SAMMSON: variants seen among roughly 807,000 people sequenced by gnomAD.
SAMMSON encodes the protein survival associated mitochondrial melanoma specific oncogenic non-coding RNA, also known as long intergenic non-protein coding RNA 1212.
intron 4 of SAMMSON, among the ~76,000 whole-genome samples, chr3:70,140,772 C>T (rs1467531112): frequency 6.6e-6 from 1 of 152,178 alleles, no homozygotes; most frequent in African/African-American, 2.4e-5. Context: ...CAACCAAGTT[C>T]TCTTCCAGTT....
chr3:70,351,822 C>A (rs1702796898), intron 7 of SAMMSON, among the ~76,000 whole-genome samples: 1 of 152,094 alleles, frequency 6.6e-6, no homozygotes, highest in African/African-American at 2.4e-5. Context: ...ACAGCATGGA[C>A]AACTGTGACT....
At chr3:70,007,942 G>T (rs2066935511) in intron 1 of SAMMSON, among the ~76,000 whole-genome samples, 1 of 152,068 alleles carries the variant, frequency 6.6e-6, no homozygotes, top group African/African-American at 2.4e-5. Flanking sequence ...GGTTGTCAAA[G>T]ATCAGATGGT....
At chr3:70,132,731 C>T (rs2067487346) in intron 4 of SAMMSON, among the ~76,000 whole-genome samples, 1 of 143,354 alleles carries the variant, frequency 7.0e-6, no homozygotes, top group Non-Finnish European at 1.5e-5. Context: ...CCCTTGAGCT[C>T]AGGAGTTCGA....
At chr3:70,205,914 T>C (rs1451090485) in intron 4 of SAMMSON, 6 of 152,166 alleles carry the variant, frequency 3.9e-5, no homozygotes, top group Admixed American at 3.9e-4. Context: ...TAAGTAAAAT[T>C]CCATATCTTG....
rs116449037 is a variant in SAMMSON at position 70,413,029 on chromosome 3, G to A, written n.234-49531G>A. 7.3e-3 allele frequency among the ~76,000 whole-genome samples: 1,112 copies of A among 152,024 alleles called. 18 individuals carry two copies. The highest frequency in any genetic ancestry group is 0.025 in the African/African-American group (1,051 of 41,478). On this transcript the variant is annotated intron_variant and non_coding_transcript_variant, in intron 2 of 3. Coordinates refer to the SAMMSON transcript ENST00000641053. ...TTTTGTTTCTTCTTAGCACAGAACC[G>A]GCAATTCTTAAGAAAATAACCTTAA...
intron 4 of SAMMSON, among the ~76,000 whole-genome samples, chr3:70,084,544 A>G (rs2067279016): frequency 6.6e-6 from 1 of 152,122 alleles, no homozygotes; most frequent in Non-Finnish European, 1.5e-5. Flanking sequence ...GAGTAATGGG[A>G]AAGGGGTACA....
intron 7 of SAMMSON, among the ~76,000 whole-genome samples, chr3:70,316,028 T>A (rs756112193): frequency 4.6e-5 from 7 of 152,178 alleles, no homozygotes; most frequent in Non-Finnish European, 7.4e-5. Context: ...TAACTGCAAA[T>A]GTACACTTCT....
chr3:70,393,130 A>T (rs1701063470), downstream of SAMMSON, among the ~76,000 whole-genome samples: 1 of 152,196 alleles, frequency 6.6e-6, no homozygotes, highest in Non-Finnish European at 1.5e-5. Context: ...TTTCTTCAGT[A>T]GTATGCCATT....
At chr3:70,287,596 T>A (rs1382262771) in intron 6 of SAMMSON, among the ~76,000 whole-genome samples, 1 of 152,150 alleles carries the variant, frequency 6.6e-6, no homozygotes, top group Non-Finnish European at 1.5e-5. Context: ...GAGGATTCCC[T>A]CTTTTTCTAT....
chr3:70,410,502 T>C (rs1196173061), intron 2 of SAMMSON, among the ~76,000 whole-genome samples: 1 of 152,206 alleles, frequency 6.6e-6, no homozygotes, highest in African/African-American at 2.4e-5. Flanking sequence ...GGCCTAAATA[T>C]AAGTTTACTT....
intron 6 of SAMMSON, among the ~76,000 whole-genome samples, chr3:70,263,281 G>A (rs917465370): frequency 6.6e-6 from 1 of 151,470 alleles, no homozygotes; most frequent in East Asian, 1.9e-4. Context: ...ATCGAGTGCT[G>A]GTTTTTAAAA....
At chr3:70,020,666 G>T (rs1220716511) in intron 3 of SAMMSON, among the ~76,000 whole-genome samples, 1 of 151,960 alleles carries the variant, frequency 6.6e-6, no homozygotes, top group Non-Finnish European at 1.5e-5. Context: ...AGCCTACTTG[G>T]ATCTCATTCC....
chr3:70,161,418 T>C (rs933111328), intron 4 of SAMMSON, among the ~76,000 whole-genome samples: 24 of 152,066 alleles, frequency 1.6e-4, no homozygotes, highest in African/African-American at 5.8e-4. Flanking sequence ...TTTCAGTATC[T>C]ATTGAGATGA....
At chr3:70,088,476 C>G (rs540180183) in intron 4 of SAMMSON, among the ~76,000 whole-genome samples, 2 of 152,042 alleles carry the variant, frequency 1.3e-5, no homozygotes, top group Admixed American at 6.6e-5. Context: ...TGCATCTCAA[C>G]GGAAGTGAGA....
intron 1 of SAMMSON, among the ~76,000 whole-genome samples, chr3:70,012,146 A>C (rs1269251604): frequency 6.6e-6 from 1 of 152,056 alleles, no homozygotes. Context: ...ATGAAGCTTG[A>C]AGTTATTTTC....
intron 3 of SAMMSON, among the ~76,000 whole-genome samples, chr3:70,022,465 A>G (rs1350836762): frequency 6.8e-6 from 1 of 147,914 alleles, no homozygotes; most frequent in Admixed American, 6.7e-5. Context: ...TTGTATTGTG[A>G]TACTGCCAGT....
intron 4 of SAMMSON, among the ~76,000 whole-genome samples, chr3:70,186,811 A>G (rs746450211): frequency 1.3e-5 from 2 of 152,138 alleles, no homozygotes; most frequent in Non-Finnish European, 2.9e-5. Context: ...CCATTCTTTT[A>G]TATTTATTTG....
chr3:70,106,167 G>A (rs1274631528), intron 4 of SAMMSON, among the ~76,000 whole-genome samples: 1 of 151,984 alleles, frequency 6.6e-6, no homozygotes, highest in Non-Finnish European at 1.5e-5. Context: ...TATATCCACT[G>A]AATAAAATAT....
At chr3:70,045,471 C>T (rs976420109) in intron 3 of SAMMSON, among the ~76,000 whole-genome samples, 3 of 151,534 alleles carry the variant, frequency 2.0e-5, no homozygotes, top group African/African-American at 4.8e-5. Context: ...TAGCACACAC[C>T]TGCTCACCAA....
Sources: allele counts gnomAD v4.1 joint callset (sites outside exome capture counted in the v4.1 genomes callset), GRCh38; gene constraint gnomAD v4.1.1; transcripts MANE v1.5; gene names NCBI Gene and HGNC (gene_info 2026-07-23, HGNC 2026-07-21).